The following MAGI1 variants were observed in gnomAD, a reference collection of about 807,000 sequenced individuals.
The protein encoded by MAGI1 is membrane-associated guanylate kinase, WW and PDZ domain-containing protein 1.
Under a neutral mutation model 139.9 loss-of-function variants are expected in MAGI1, and 58 were observed. That is an observed-to-expected ratio of 0.41 (90% CI 0.34 to 0.52). The LOEUF (loss-of-function observed/expected upper bound fraction) is 0.52, where lower values mean the gene tolerates loss of function less well. Ranked by LOEUF, MAGI1 falls within the 20% of genes least tolerant of loss-of-function variation. The pLI, the probability that MAGI1 is intolerant of heterozygous loss-of-function variation, is 0.12. For synonymous variants in MAGI1, 812 were observed against 737.9 expected, an observed-to-expected ratio of 1.10 and a Z score of -1.63; for missense variants, 1,874 against 1,901.6, an observed-to-expected ratio of 0.99 and a Z score of 0.27.
At chr3:65,963,247 G>A (rs2064544201) in intron 1 of MAGI1, among the ~76,000 whole-genome samples, 1 of 149,770 alleles carries the variant, frequency 6.7e-6, no homozygotes, top group African/African-American at 2.5e-5. Flanking sequence ...GGGAGGTGGA[G>A]GTTGCAGTGA....
chr3:66,005,736 A>G (rs1335540755), intron 1 of MAGI1, among the ~76,000 whole-genome samples: 1 of 152,182 alleles, frequency 6.6e-6, no homozygotes, highest in Non-Finnish European at 1.5e-5. Context: ...GAATGGCAGC[A>G]CCATGCCAGG....
intron 12 of MAGI1, among the ~76,000 whole-genome samples, chr3:65,412,817 TCCGCTGTGCCA>T (rs1377096547): frequency 2.6e-5 from 4 of 152,166 alleles, no homozygotes; most frequent in African/African-American, 9.7e-5. Context: ...AGAACAAGGT[TCCGCTGTGCCA>T]CCTGGTGTCC....
At chr3:65,817,369 A>C (rs2041669507) in intron 1 of MAGI1, among the ~76,000 whole-genome samples, 1 of 152,228 alleles carries the variant, frequency 6.6e-6, no homozygotes, top group Admixed American at 6.5e-5. Context: ...CTCCATAGTT[A>C]AAAATAATTT....
intron 13 of MAGI1, 57 bp downstream of exon 13, chr3:65,401,378 CTCCA>C: frequency 8.4e-7 from 1 of 1,189,352 alleles, no homozygotes. Flanking sequence ...ACCCTCCCAC[CTCCA>C]GCCCCCCACC....
chr3:65,702,124 T>C (rs922465275), intron 1 of MAGI1, among the ~76,000 whole-genome samples: 1 of 152,170 alleles, frequency 6.6e-6, no homozygotes, highest in Non-Finnish European at 1.5e-5. Context: ...CAGTATTCAG[T>C]ACCTGTGTTT....
chr3:65,440,459 G>C (rs1948204908), intron 8 of MAGI1, among the ~76,000 whole-genome samples: 1 of 152,064 alleles, frequency 6.6e-6, no homozygotes, highest in African/African-American at 2.4e-5. Flanking sequence ...AGGGGAAGCT[G>C]CTTTAATTCA....
intron 12 of MAGI1, among the ~76,000 whole-genome samples, chr3:65,426,075 C>A (rs1947023138): frequency 6.6e-6 from 1 of 152,056 alleles, no homozygotes; most frequent in Admixed American, 6.6e-5. Context: ...TAAGGACACA[C>A]AATTGGAAGA....
intron 12 of MAGI1, among the ~76,000 whole-genome samples, chr3:65,423,387 C>T (rs1479158882): frequency 1.3e-5 from 2 of 151,666 alleles, no homozygotes; most frequent in African/African-American, 4.9e-5. Flanking sequence ...CACACGCGCA[C>T]ACACACACAC....
intron 1 of MAGI1, among the ~76,000 whole-genome samples, chr3:65,676,662 T>C (rs1184461993): frequency 5.3e-5 from 8 of 152,174 alleles, no homozygotes; most frequent in Admixed American, 2.6e-4. Context: ...GCTAATCCGG[T>C]CAATTGTTAC....
At chr3:65,639,262 GTTACCAAT>G (rs2084834280) in intron 1 of MAGI1, among the ~76,000 whole-genome samples, 1 of 152,124 alleles carries the variant, frequency 6.6e-6, no homozygotes, top group Non-Finnish European at 1.5e-5. Flanking sequence ...CCAGTCTGTG[GTTACCAAT>G]TCATTTTCTT....
intron 3 of MAGI1, among the ~76,000 whole-genome samples, chr3:65,480,161 C>CA (rs55886178): frequency 0.53 from 75,060 of 140,398 alleles, 20,576 homozygotes; most frequent in East Asian, 0.9. Context: ...ACACAAGCAC[C>CA]AAAAAAAAAA....
chr3:65,374,783 G>A (rs78244340), intron 18 of MAGI1, among the ~76,000 whole-genome samples: 4,473 of 152,152 alleles, frequency 0.029, 161 homozygotes, highest in African/African-American at 0.079. Context: ...AATGTTCCCT[G>A]GGGGGCAGAA....
intron 1 of MAGI1, among the ~76,000 whole-genome samples, chr3:65,939,349 G>T (rs921981594): frequency 6.6e-6 from 1 of 152,096 alleles, no homozygotes; most frequent in African/African-American, 2.4e-5. Flanking sequence ...TCACCAGCAA[G>T]ATCATTATTT....
intron 2 of MAGI1, among the ~76,000 whole-genome samples, chr3:65,543,469 C>T (rs1306417858): frequency 1.3e-5 from 2 of 152,120 alleles, no homozygotes; most frequent in East Asian, 1.9e-4. Flanking sequence ...TATTGCAGCA[C>T]TATTCACAAT....
intron 1 of MAGI1, among the ~76,000 whole-genome samples, chr3:65,889,317 G>C (rs1030992196): frequency 2.6e-5 from 4 of 152,182 alleles, no homozygotes; most frequent in Non-Finnish European, 4.4e-5. Context: ...CTTTAAAAAG[G>C]CAAGAACCCC....
chr3:65,527,540 A>G (rs376699653), intron 2 of MAGI1, among the ~76,000 whole-genome samples: 1 of 152,116 alleles, frequency 6.6e-6, no homozygotes, highest in African/African-American at 2.4e-5. Flanking sequence ...CCTGGTTAAC[A>G]TGGTGAAACC....
rs2059244365 is a variant in MAGI1 at position 65,852,677 on chromosome 3, A to G, written c.313+185319T>C. ...CACCACCACGCCTGGCTAATTTTGT[A>G]TTTTTAGTAGAGACAGGGTTTCTCC... On this transcript the variant is annotated intron_variant, in intron 1 of 22. Transcript: ENST00000402939. Among the ~76,000 whole-genome samples, 13 of 151,848 alleles carry G rather than the reference A, an allele frequency of 8.6e-5. No homozygotes were observed. The South Asian group carries it at 2.7e-3, about 32-fold the overall frequency.
chr3:65,478,881 G>T, intron 3 of MAGI1, 83 bp from the exon 4 acceptor site: 2 of 1,045,638 alleles, frequency 1.9e-6, no homozygotes, highest in Non-Finnish European at 2.9e-6. Context: ...AAATCTCTAG[G>T]CACATTAAAA....
chr3:65,397,106 A>G (rs544867617), intron 13 of MAGI1, among the ~76,000 whole-genome samples: 1 of 152,110 alleles, frequency 6.6e-6, no homozygotes. Context: ...CCCATCTACT[A>G]CTCTCACTGT....
Sources: gnomAD v4.1 joint callset for allele counts (sites outside exome capture counted in the v4.1 genomes callset) on GRCh38, gnomAD v4.1.1 for gene constraint, MANE v1.5 for transcripts, NCBI Gene and HGNC (gene_info 2026-07-23, HGNC 2026-07-21) for gene names.